PRICKLE1: variants seen among roughly 807,000 people sequenced by gnomAD.
PRICKLE1 encodes the protein prickle-like protein 1.
In PRICKLE1, 14 loss-of-function variants were observed where a neutral mutation model predicts 70.2. The ratio of observed to expected loss-of-function variants is 0.20; its 90% CI spans 0.13 to 0.31. The LOEUF (loss-of-function observed/expected upper bound fraction) is 0.31, where lower values mean the gene tolerates loss of function less well. Ranked by LOEUF, PRICKLE1 falls within the 10% of genes least tolerant of loss-of-function variation. PRICKLE1 has a pLI of 1.00. For synonymous variants in PRICKLE1, 357 were observed against 379.9 expected (o/e 0.94, Z 0.70); for missense variants, 821 against 1,026.2 (o/e 0.80, Z 2.73).
chr12:42,583,528 A>G (rs1940938781), intron 1 of PRICKLE1, among the ~76,000 whole-genome samples: 1 of 152,176 alleles, frequency 6.6e-6, no homozygotes, highest in Non-Finnish European at 1.5e-5. Flanking sequence ...TATTTCATCA[A>G]AGGCCTCCAA....
rs557563434 is a variant in PRICKLE1, at chr12:42,461,138, C to T, written c.1640-473G>A. 2.0e-5 allele frequency among the ~76,000 whole-genome samples: 3 copies of T among 152,324 alleles called. No individual in the cohort carries two copies. The South Asian group carries it at 6.2e-4, about 32-fold the overall frequency. On this transcript the variant is annotated intron_variant, in intron 7 of 7. Transcript: ENST00000345127. ...TCAGGTGATCCACCCACCTCGGCCT[C>T]CCACAGTGCTGGGTTTACAGGTATG...
intron 1 of PRICKLE1, among the ~76,000 whole-genome samples, chr12:42,481,249 A>C (rs1300371327): frequency 2.0e-5 from 3 of 152,218 alleles, no homozygotes; most frequent in Non-Finnish European, 4.4e-5. Context: ...TCTTGAACCA[A>C]GTCACCAAAT....
chr12:42,464,968 G>C lies in PRICKLE1; in HGVS notation c.1066C>G (p.Leu356Val). ...CRQSLLLSPA[L>V]NYKFPGLSGN... Reference sequence around the variant, plus strand: ...GAGAGGCCAGGAAACTTGTAGTTCAGAGCAGGCGATAAGAGGAGAGACTGT... The same window carrying C: ...GAGAGGCCAGGAAACTTGTAGTTCACAGCAGGCGATAAGAGGAGAGACTGT... The change falls in exon 7 of 8, where the codon CTG (leucine) becomes GTG (valine). Residue 356 changes from leucine (L) to valine (V), a missense_variant. Transcript: ENST00000345127. The surrounding 1 kb of genome is among the most constrained non-coding windows in gnomAD (Gnocchi z 4.2). The C allele has an allele frequency of 6.2e-7, 1 of 1,614,138 alleles. No individual in the cohort carries two copies. Among genetic ancestry groups the C allele is most frequent in the Non-Finnish European group, 8.5e-7 (1 of 1,180,022 alleles).
At chr12:42,530,835 C>T (rs1481883168) in intron 1 of PRICKLE1, among the ~76,000 whole-genome samples, 4 of 150,472 alleles carry the variant, frequency 2.7e-5, no homozygotes, top group South Asian at 2.1e-4. Context: ...TACAGGTGCC[C>T]GGCACCTGTA....
chr12:42,536,042 G>A (rs764271734), intron 1 of PRICKLE1, among the ~76,000 whole-genome samples: 19 of 152,214 alleles, frequency 1.2e-4, no homozygotes, highest in Middle Eastern at 3.4e-3. Flanking sequence ...AGCAACACCC[G>A]AGTAAAAGAA....
intron 5 of PRICKLE1, 69 bp downstream of exon 5, chr12:42,468,557 G>T (rs1283224611): frequency 7.1e-7 from 1 of 1,405,674 alleles, no homozygotes; most frequent in Non-Finnish European, 1.0e-6. Flanking sequence ...TTTGCTTGAT[G>T]TAAACAGTGG....
intron 1 of PRICKLE1, among the ~76,000 whole-genome samples, chr12:42,541,808 C>G (rs1328641092): frequency 6.6e-6 from 1 of 152,304 alleles, no homozygotes; most frequent in African/African-American, 2.4e-5. Flanking sequence ...CTACATTAGG[C>G]TGACCTTTCC....
At chr12:42,532,378 G>T (rs1454252911) in intron 1 of PRICKLE1, among the ~76,000 whole-genome samples, 2 of 152,048 alleles carry the variant, frequency 1.3e-5, no homozygotes, top group Admixed American at 6.6e-5. Context: ...TCACATAATA[G>T]AAAATTATGC....
In PRICKLE1 at chr12:42,460,112, G is replaced by A. The variant is rs137985321; in HGVS notation, c.2193C>T (p.Tyr731=). 118 of 1,614,118 alleles carry A rather than the reference G, an allele frequency of 7.3e-5. No homozygotes were observed. The African/African-American group carries it at 1.4e-3, about 19-fold the overall frequency. The stretch of plus-strand genomic sequence containing the variant: ...CGGAAGTGGCATGGGCGTACTGTCC[G>A]TAGAGATCAGCATTCTGGATGTATG... ...IQAYIQNADL[Y]GQYAHATSDY... is the part of the protein sequence containing the mutation. Residue 731 remains tyrosine (Y), a synonymous_variant, in exon 8 of 8, where the codon TAC becomes TAT. Coordinates refer to ENST00000345127, the MANE Select transcript of PRICKLE1 (RefSeq NM_153026.3).
At chr12:42,559,001 C>T (rs1031357898) in intron 1 of PRICKLE1, among the ~76,000 whole-genome samples, 8 of 152,186 alleles carry the variant, frequency 5.3e-5, no homozygotes, top group African/African-American at 1.9e-4. Context: ...CTGCAATATA[C>T]AGTGTAGATT....
intron 1 of PRICKLE1, among the ~76,000 whole-genome samples, chr12:42,488,030 T>C (rs1376146334): frequency 2.6e-5 from 4 of 152,136 alleles, no homozygotes; most frequent in Non-Finnish European, 5.9e-5. Flanking sequence ...GACAGAGTGA[T>C]ACCCTGTCTC....
At chr12:42,562,299 T>G (rs983460875) in intron 1 of PRICKLE1, among the ~76,000 whole-genome samples, 4 of 152,158 alleles carry the variant, frequency 2.6e-5, no homozygotes, top group African/African-American at 9.7e-5. Flanking sequence ...ATGGTAATAG[T>G]ACAAAAGGAA....
intron 1 of PRICKLE1, among the ~76,000 whole-genome samples, chr12:42,576,770 G>A (rs1033499594): frequency 6.6e-6 from 1 of 152,218 alleles, no homozygotes; most frequent in South Asian, 2.1e-4. Context: ...ATAACTTTGG[G>A]TGCAGCCTAA....
intron 1 of PRICKLE1, among the ~76,000 whole-genome samples, chr12:42,552,917 C>G (rs554479951): frequency 2.4e-4 from 36 of 152,238 alleles, no homozygotes; most frequent in Middle Eastern, 6.8e-3. Flanking sequence ...AGGTTAGATC[C>G]CTCTCCTGCG....
chr12:42,487,582 G>A (rs968911817), intron 1 of PRICKLE1, among the ~76,000 whole-genome samples: 1 of 152,080 alleles, frequency 6.6e-6, no homozygotes, highest in Non-Finnish European at 1.5e-5. Context: ...TGATGCACTG[G>A]GTTTGAAGTT....
At chr12:42,537,524 C>T (rs1269103746) in intron 1 of PRICKLE1, among the ~76,000 whole-genome samples, 1 of 152,126 alleles carries the variant, frequency 6.6e-6, no homozygotes, top group Non-Finnish European at 1.5e-5. Flanking sequence ...AAACAAAACG[C>T]AGTAATATTG....
intron 7 of PRICKLE1, among the ~76,000 whole-genome samples, chr12:42,462,557 A>G (rs1322014753): frequency 2.6e-5 from 4 of 152,146 alleles, no homozygotes; most frequent in African/African-American, 9.7e-5. Flanking sequence ...GGCCTGGCAG[A>G]CAAAAGGTGC....
chr12:42,463,732 G>C (rs1364956923), intron 7 of PRICKLE1: 1 of 152,564 alleles, frequency 6.6e-6, no homozygotes, highest in East Asian at 1.9e-4. Context: ...AAAAAAAAAA[G>C]AGCTTGTAAA....
In PRICKLE1 at chr12:42,466,430, T is replaced by A. The variant is rs747875148; in HGVS notation, c.589-50A>T. 1.6e-3 allele frequency: 2,488 copies of A among 1,550,236 alleles called. 5 individuals carry two copies. The highest frequency in any genetic ancestry group is 2.1e-3 in the Non-Finnish European group (2,366 of 1,123,622). ...AGAATGAAAGAAAATCATTAGGAAC[T>A]ATTTTAAAGGCCAAGTAACTGCATG... On this transcript the variant is annotated intron_variant, in intron 5 of 7. Coordinates refer to ENST00000345127, the MANE Select transcript of PRICKLE1 (RefSeq NM_153026.3).
Sources: gnomAD v4.1 joint callset for allele counts (sites outside exome capture counted in the v4.1 genomes callset) on GRCh38, gnomAD v4.1.1 for gene constraint, Gnocchi (gnomAD v3.1) non-coding constraint, MANE v1.5 for transcripts, NCBI Gene and HGNC (gene_info 2026-07-23, HGNC 2026-07-21) for gene names.